LDLRAD3: variants seen among roughly 807,000 people sequenced by gnomAD.
The protein encoded by LDLRAD3 is low density lipoprotein receptor class A domain containing 3.
LDLRAD3 carries 20 observed loss-of-function variants against 29.4 expected under a neutral mutation model. That is an observed-to-expected ratio of 0.68 (90% CI 0.48 to 0.99). LDLRAD3 has a LOEUF of 0.99. Ranked by LOEUF, LDLRAD3 falls within the 50% of genes least tolerant of loss-of-function variation. The pLI is 0.00. For missense variants in LDLRAD3, 420 were observed against 454.3 expected (o/e 0.92, Z 0.69); for synonymous variants, 157 against 192.7 (o/e 0.81, Z 1.53).
At chr11:36,224,507 T>G (rs58648806) in intron 4 of LDLRAD3, among the ~76,000 whole-genome samples, 9,883 of 152,310 alleles carry the variant, frequency 0.065, 432 homozygotes, top group East Asian at 0.2. Context: ...AGTAGAATCC[T>G]TGAATGACAG....
chr11:36,191,131 GA>G (rs1244430840), intron 4 of LDLRAD3, among the ~76,000 whole-genome samples: 2 of 152,188 alleles, frequency 1.3e-5, no homozygotes, highest in African/African-American at 4.8e-5. Context: ...GGAGCCTCTG[GA>G]ATGACACTGA....
At chr11:36,134,242 T>C (rs187948566) in intron 4 of LDLRAD3, among the ~76,000 whole-genome samples, 1 of 152,270 alleles carries the variant, frequency 6.6e-6, no homozygotes, top group Non-Finnish European at 1.5e-5. Flanking sequence ...TTGAAATGCA[T>C]TGTACACTCC....
intron 1 of LDLRAD3, among the ~76,000 whole-genome samples, chr11:36,009,716 A>C (rs1056227113): frequency 6.6e-6 from 1 of 152,232 alleles, no homozygotes; most frequent in Non-Finnish European, 1.5e-5. Flanking sequence ...TCCATGCAGA[A>C]AATTCTATGA....
intron 1 of LDLRAD3, among the ~76,000 whole-genome samples, chr11:35,957,001 C>G (rs10836472): frequency 2.6e-5 from 4 of 152,092 alleles, no homozygotes; most frequent in Non-Finnish European, 4.4e-5. Context: ...TCCCAAAGTG[C>G]TGGGATTACC....
chr11:36,041,911 A>G (rs1421191863), intron 2 of LDLRAD3, among the ~76,000 whole-genome samples: 5 of 152,084 alleles, frequency 3.3e-5, no homozygotes, highest in African/African-American at 1.2e-4. Context: ...AAATTTGAGG[A>G]CTTTGTTAAA....
chr11:35,966,153 C>T (rs1402181265), intron 1 of LDLRAD3, among the ~76,000 whole-genome samples: 3 of 152,148 alleles, frequency 2.0e-5, no homozygotes, highest in Admixed American at 6.5e-5. Context: ...GCAGGCTGGG[C>T]GCAGTGGCTG....
intron 1 of LDLRAD3, among the ~76,000 whole-genome samples, chr11:35,993,081 C>G (rs577000008): frequency 6.6e-6 from 1 of 152,108 alleles, no homozygotes; most frequent in South Asian, 2.1e-4. Context: ...AAATGGCGTC[C>G]CAGTGCTTAA....
intron 4 of LDLRAD3, among the ~76,000 whole-genome samples, chr11:36,113,434 AT>A (rs1853632777): frequency 6.6e-6 from 1 of 152,028 alleles, no homozygotes; most frequent in Admixed American, 6.5e-5. Flanking sequence ...GAAGACTGAA[AT>A]TAAAAAAAAA....
chr11:36,181,910 CTTTCTCTCTCTCACTG>C lies in LDLRAD3; in HGVS notation c.455-45163_455-45148del, dbSNP rs1854769508. ...TCTGTTTCTGTCTCTGTCTCTCACA[CTTTCTCTCTCTCACTG>C]TTTCTCTCTCTGTAATACACATATG... On this transcript the variant is annotated intron_variant, in intron 4 of 5. Transcript: ENST00000315571. Among the ~76,000 whole-genome samples, 15 of 152,184 alleles carry C rather than the reference CTTTCTCTCTCTCACTG, an allele frequency of 9.9e-5. 1 individual carries two copies. In the South Asian group the frequency reaches 3.1e-3, roughly 32 times the overall value.
chr11:36,085,281 A>T (rs1565211956), intron 3 of LDLRAD3, among the ~76,000 whole-genome samples: 1 of 151,858 alleles, frequency 6.6e-6, no homozygotes, highest in African/African-American at 2.4e-5. Context: ...TTCTGGAGAG[A>T]AATTTACAGT....
At chr11:36,017,267 T>G (rs1393212130) in intron 1 of LDLRAD3, among the ~76,000 whole-genome samples, 1 of 152,226 alleles carries the variant, frequency 6.6e-6, no homozygotes, top group Non-Finnish European at 1.5e-5. Flanking sequence ...AGGAAGACTC[T>G]CTGGTGAAGC....
At chr11:36,138,734 T>G (rs1251233525) in intron 4 of LDLRAD3, among the ~76,000 whole-genome samples, 2 of 152,208 alleles carry the variant, frequency 1.3e-5, no homozygotes, top group African/African-American at 4.8e-5. Context: ...TCAGAACATG[T>G]GATGCTTGGG....
chr11:36,123,173 C>T (rs1230546328), intron 4 of LDLRAD3, among the ~76,000 whole-genome samples: 4 of 151,926 alleles, frequency 2.6e-5, no homozygotes, highest in Admixed American at 6.6e-5. Context: ...GGCGACAGAG[C>T]GAGACTCCGT....
At chr11:36,044,642 C>A (rs1852424054) in intron 2 of LDLRAD3, among the ~76,000 whole-genome samples, 1 of 152,234 alleles carries the variant, frequency 6.6e-6, no homozygotes, top group Non-Finnish European at 1.5e-5. Flanking sequence ...GACACACATT[C>A]ATGAGCTCAC....
At chr11:36,100,931 C>T (rs1368060111) in intron 4 of LDLRAD3, among the ~76,000 whole-genome samples, 1 of 152,162 alleles carries the variant, frequency 6.6e-6, no homozygotes, top group Non-Finnish European at 1.5e-5. Context: ...AATGGTGGGT[C>T]CCTCTGTAGG....
At chr11:36,181,834 T>C (rs1441670017) in intron 4 of LDLRAD3, among the ~76,000 whole-genome samples, 1 of 152,194 alleles carries the variant, frequency 6.6e-6, no homozygotes, top group Admixed American at 6.5e-5. Context: ...TAGAAGGCCC[T>C]GAGTGGGGAT....
intron 4 of LDLRAD3, among the ~76,000 whole-genome samples, chr11:36,153,029 G>A (rs932900720): frequency 6.6e-6 from 1 of 152,018 alleles, no homozygotes; most frequent in East Asian, 1.9e-4. Flanking sequence ...TGCTCACCTG[G>A]GTTCCACTCC....
At chr11:36,150,263 C>A (rs1180983407) in intron 4 of LDLRAD3, among the ~76,000 whole-genome samples, 1 of 152,182 alleles carries the variant, frequency 6.6e-6, no homozygotes, top group African/African-American at 2.4e-5. Context: ...CACAGTGGCT[C>A]ACACGTGTAA....
At chr11:36,063,057 T>A (rs767947152) in intron 2 of LDLRAD3, among the ~76,000 whole-genome samples, 1 of 152,158 alleles carries the variant, frequency 6.6e-6, no homozygotes, top group Non-Finnish European at 1.5e-5. Context: ...GAGTTTCAGC[T>A]CTTTGATACT....
Sources: gnomAD v4.1 joint callset for allele counts (sites outside exome capture counted in the v4.1 genomes callset) on GRCh38, gnomAD v4.1.1 for gene constraint, MANE v1.5 for transcripts, NCBI Gene and HGNC (gene_info 2026-07-23, HGNC 2026-07-21) for gene names.